The following MLH3 variants were observed in gnomAD, a reference collection of about 807,000 sequenced individuals.
MLH3 encodes the protein DNA mismatch repair protein Mlh3.
MLH3 carries 82 observed loss-of-function variants against 122.2 expected under a neutral mutation model. That is an observed-to-expected ratio of 0.67 (90% CI 0.56 to 0.81). The LOEUF is 0.81. MLH3 is among the 30% of genes least tolerant of loss of function. MLH3 has a pLI of 0.00. For synonymous variants in MLH3, 524 were observed against 599.5 expected (o/e 0.87, Z 1.84); for missense variants, 1,539 against 1,714.5 (o/e 0.90, Z 1.81).
intron 11 of MLH3, among the ~76,000 whole-genome samples, chr14:75,021,776 C>T (rs1040358768): frequency 6.6e-6 from 1 of 152,152 alleles, no homozygotes; most frequent in Non-Finnish European, 1.5e-5. Context: ...TTAGAGATTT[C>T]TTAAAGAACT....
chr14:75,039,567 A>G (rs1390644673), intron 5 of MLH3, among the ~76,000 whole-genome samples: 1 of 152,106 alleles, frequency 6.6e-6, no homozygotes, highest in African/African-American at 2.4e-5. Context: ...AAGGACTTTG[A>G]TTTATAAATT....
chr14:75,047,407 T>C lies in MLH3; in HGVS notation c.2249A>G (p.Gln750Arg), dbSNP rs1196578399. The C allele has an allele frequency of 6.2e-7, 1 of 1,614,080 alleles. No individual in the cohort carries two copies. The highest frequency in any genetic ancestry group is 8.5e-7 in the Non-Finnish European group (1 of 1,179,984). ...CTTAAACTTCTCTAAAGATCCTAGC[T>C]GTGAACTCAAGCTTAGCTTCTTACG... ...IVRKKLSLSS[Q>R]LGSLEKFKRQ... is the part of the protein sequence containing the mutation. The change falls in exon 2 of 13, where the codon CAG becomes CGG. Residue 750 changes from glutamine to arginine, a missense_variant. Transcript: ENST00000355774.
chr14:75,045,477 A>C (rs942204961), intron 2 of MLH3, among the ~76,000 whole-genome samples: 1 of 152,242 alleles, frequency 6.6e-6, no homozygotes, highest in Non-Finnish European at 1.5e-5. Flanking sequence ...TATTTTGAAA[A>C]TTCATGGACA....
Position 75,046,679 on chromosome 14 carries a change from G to T in MLH3, c.2977C>A (p.Gln993Lys). 1 of 1,614,174 alleles carries T rather than the reference G, an allele frequency of 6.2e-7. No homozygotes were observed. Among genetic ancestry groups the T allele is most frequent in the Non-Finnish European group, 8.5e-7 (1 of 1,180,018 alleles). Residue 993 changes from glutamine (Q) to lysine (K), a missense_variant, in exon 2 of 13, where the codon CAA becomes AAA. By Grantham distance (53) the Gln-to-Lys change is moderately conservative. Transcript: ENST00000355774. ...DSDVLIRASE[Q>K]QIGSLDSPSG... The stretch of plus-strand genomic sequence containing the variant: ...GGAGAGTCAAGACTTCCTATCTGTT[G>T]TTCTGAGGCTCTGATAAGAACATCT...
At chr14:75,030,465 G>A in intron 9 of MLH3, 78 bp downstream of exon 9, 1 of 1,388,416 alleles carries the variant, frequency 7.2e-7, no homozygotes, top group East Asian at 2.3e-5. Flanking sequence ...AAGAAAAGAT[G>A]AATTCAGAGA....
intron 1 of MLH3, among the ~76,000 whole-genome samples, chr14:75,050,351 C>T (rs1428302832): frequency 6.6e-6 from 1 of 152,142 alleles, no homozygotes; most frequent in Admixed American, 6.5e-5. Context: ...CCTTTCTTTG[C>T]CATTTGATTG....
Position 75,046,904 on chromosome 14 carries a change from C to A in MLH3, c.2752G>T (p.Asp918Tyr), listed in dbSNP as rs762167939. The A allele has an allele frequency of 9.3e-6, 15 of 1,613,810 alleles. No homozygotes were observed. In the African/African-American group the frequency reaches 1.3e-4, roughly 14 times the overall value. ...TTGTTGTTAAATAACATACAAAAATCTTGTGTTAACACACTGCACAACTTG... is the reference window on the plus strand; with the variant it reads ...TTGTTGTTAAATAACATACAAAAATATTGTGTTAACACACTGCACAACTTG... ...DSKLCSVLTQ[D>Y]FCMLFNNKHE... The change falls in exon 2 of 13, where the codon GAT becomes TAT. Residue 918 changes from aspartate (D) to tyrosine (Y), a missense_variant. Coordinates refer to ENST00000355774, the MANE Select transcript of MLH3 (RefSeq NM_001040108.2).
intron 11 of MLH3, among the ~76,000 whole-genome samples, chr14:75,019,879 G>A (rs1257888493): frequency 6.6e-6 from 1 of 152,050 alleles, no homozygotes; most frequent in Non-Finnish European, 1.5e-5. Flanking sequence ...CATCCTCATG[G>A]CGCTTATGGT....
Position 75,036,684 on chromosome 14 carries a change from A to T in MLH3, c.3643+1656T>A, listed in dbSNP as rs1370902557. 1.8e-5 allele frequency: 8 copies of T among 455,892 alleles called. No individual in the cohort carries two copies. The Admixed American group carries it at 1.9e-4, about 11-fold the overall frequency. 28.2% of individuals were successfully genotyped at this position (455,892 alleles called of 1,614,324 possible). ...CTGGAGCATTTCAAAGACTGAACTC[A>T]TGATTTTCATCCTCTCTGCTCTGCC... On this transcript the variant is annotated intron_variant, in intron 6 of 12. Transcript: ENST00000355774.
chr14:75,041,918 T>C (rs577096752), intron 3 of MLH3, among the ~76,000 whole-genome samples: 1 of 152,356 alleles, frequency 6.6e-6, no homozygotes, highest in African/African-American at 2.4e-5. Flanking sequence ...TTACAGCTTT[T>C]CTCCAAACTG....
At position 75,030,703 on chromosome 14, in the gene MLH3, C is replaced by G. The variant is rs1890991807; in HGVS notation, c.3828-1G>C. 6.2e-7 allele frequency: 1 copy of G among 1,612,716 alleles called. No individual in the cohort carries two copies. The highest frequency in any genetic ancestry group is 1.3e-5 in the African/African-American group (1 of 74,834). The stretch of plus-strand genomic sequence containing the variant: ...ATCTTCCAGATTTTTGTGGTAACAC[C>G]TAAAGAGATAACCTCAAATGTTAAA... On this transcript the variant is annotated splice_acceptor_variant, in intron 8 of 12. Transcript: ENST00000355774. LOFTEE classifies it high-confidence loss of function.
At chr14:75,025,652 C>T (rs1216859219) in intron 9 of MLH3, among the ~76,000 whole-genome samples, 1 of 152,136 alleles carries the variant, frequency 6.6e-6, no homozygotes, top group African/African-American at 2.4e-5. Flanking sequence ...AGGCCCTTCT[C>T]CAGCTTCTGA....
At chr14:75,039,846 C>CGTATATAT (rs1491242181) in intron 5 of MLH3, 65 bp downstream of exon 5, 1 of 259,834 alleles carries the variant, frequency 3.8e-6, no homozygotes, top group Non-Finnish European at 6.2e-6. Flanking sequence ...AGAGTTAGGC[C>CGTATATAT]ATATATATAT....
rs371890866 is a variant in MLH3, at chr14:75,048,970, T to A, written c.686A>T (p.Lys229Ile). 3.1e-6 allele frequency: 5 copies of A among 1,613,496 alleles called. No individual in the cohort carries two copies. The highest frequency in any genetic ancestry group is 2.7e-5 in the African/African-American group (2 of 74,876). The change falls in exon 2 of 13, where the codon AAA becomes ATA. Residue 229 changes from lysine (K) to isoleucine (I), a missense_variant. By Grantham distance (102) the Lys-to-Ile change is moderately radical. Transcript: ENST00000355774. ...KSQKLREISF[K>I]YKEFELSGYI... ...GCCACTAAGCTCAAACTCTTTATAT[T>A]TAAAACTTATTTCTCTTAGCTTTTG...
At chr14:75,028,783 C>G (rs1170585287) in intron 9 of MLH3, among the ~76,000 whole-genome samples, 1 of 151,826 alleles carries the variant, frequency 6.6e-6, no homozygotes, top group East Asian at 1.9e-4. Context: ...ATAATATAAA[C>G]AGTTGATTAA....
At chr14:75,020,151 A>G (rs1245885468) in intron 11 of MLH3, among the ~76,000 whole-genome samples, 1 of 152,212 alleles carries the variant, frequency 6.6e-6, no homozygotes, top group East Asian at 1.9e-4. Context: ...AATGTTTAGC[A>G]CACAGGAAGC....
intron 9 of MLH3, among the ~76,000 whole-genome samples, chr14:75,028,417 T>A (rs963714934): frequency 2.3e-5 from 1 of 43,536 alleles, no homozygotes; most frequent in Non-Finnish European, 5.3e-5. Context: ...TTCCCCCCAA[T>A]TTTTTTTTTT....
chr14:75,030,996 G>A (rs1301744025), intron 8 of MLH3, among the ~76,000 whole-genome samples: 1 of 152,172 alleles, frequency 6.6e-6, no homozygotes, highest in African/African-American at 2.4e-5. Flanking sequence ...CTGGCTGCTG[G>A]CACTTAAGGG....
chr14:75,016,864 AATG>A lies in MLH3; in HGVS notation c.*215_*217del. On this transcript the variant is annotated 3_prime_UTR_variant, in exon 13 of 13. Transcript: ENST00000355774. ...GCAACCTTCTGTGCCCATGGATGCA[AATG>A]AATGAATTGTCTTTAGGCTTGAATT... is the stretch of plus-strand genomic sequence containing the variant. The A allele has an allele frequency of 1.8e-6, 1 of 555,984 alleles. No homozygotes were observed. 34.4% of individuals were successfully genotyped at this position (555,984 alleles called of 1,614,324 possible). A position where few individuals can be genotyped will look rare whatever the true frequency, so the allele number is the denominator to read the frequency against.
Sources: allele counts gnomAD v4.1 joint callset (sites outside exome capture counted in the v4.1 genomes callset), GRCh38; gene constraint gnomAD v4.1.1; transcripts MANE v1.5; gene names NCBI Gene and HGNC (gene_info 2026-07-23, HGNC 2026-07-21).